The following NRG1 variants were observed in gnomAD, a reference collection of about 807,000 sequenced individuals.
The protein encoded by NRG1 is pro-neuregulin-1, membrane-bound isoform.
Under a neutral mutation model 63.8 loss-of-function variants are expected in NRG1, and 18 were observed. The observed-to-expected ratio is 0.28, with a 90% CI of 0.19 to 0.42. NRG1 has a LOEUF of 0.42. Among genes scored for constraint, NRG1 ranks in the 10% least tolerant of loss-of-function variants. The pLI is 1.00. For missense variants in NRG1, 762 were observed against 814.7 expected, an observed-to-expected ratio of 0.94 and a Z score of 0.79; for synonymous variants, 302 against 301.3, an observed-to-expected ratio of 1.00 and a Z score of -0.02.
intron 1 of NRG1, among the ~76,000 whole-genome samples, chr8:32,580,325 T>A (rs577442723): frequency 6.6e-6 from 1 of 152,326 alleles, no homozygotes; most frequent in East Asian, 1.9e-4. Context: ...TTCTGCCTGC[T>A]ACAGGAATGA....
intron 1 of NRG1, among the ~76,000 whole-genome samples, chr8:32,281,546 T>G (rs1284757836): frequency 6.6e-6 from 1 of 152,124 alleles, no homozygotes; most frequent in Non-Finnish European, 1.5e-5. Flanking sequence ...CAGTGTCTAT[T>G]GTTCCCTTCT....
chr8:32,157,232 G>T (rs1313835858), intron 1 of NRG1, among the ~76,000 whole-genome samples: 1 of 151,486 alleles, frequency 6.6e-6, no homozygotes, highest in Non-Finnish European at 1.5e-5. Flanking sequence ...TAGCGTGCTG[G>T]CATGCACCTG....
At chr8:31,811,698 A>G (rs958388997) in intron 1 of NRG1, among the ~76,000 whole-genome samples, 1 of 152,164 alleles carries the variant, frequency 6.6e-6, no homozygotes, top group Admixed American at 6.5e-5. Flanking sequence ...AAAAATGTGG[A>G]CCATGCCTTT....
chr8:32,187,378 T>A (rs896070562), intron 1 of NRG1, among the ~76,000 whole-genome samples: 2 of 152,110 alleles, frequency 1.3e-5, no homozygotes, highest in African/African-American at 4.8e-5. Context: ...GAGAGCCCTT[T>A]CCTTATGACA....
rs189119255 is a variant in NRG1, at chr8:31,692,684, G to T, written c.37+53253G>T. On this transcript the variant is annotated intron_variant, in intron 1 of 10. Coordinates refer to the NRG1 transcript ENST00000519301. ...GGATACAAGTTCTACAAATAGGACA[G>T]CCACTATGCTTGAATAGTAGTAGTT... Among the ~76,000 whole-genome samples the T allele has an allele frequency of 1.0e-3, 155 of 152,294 alleles. 1 individual carries two copies. Among genetic ancestry groups the T allele is most frequent in the South Asian group, 4.6e-3 (22 of 4,830 alleles).
At chr8:31,753,769 T>C (rs1215234415) in intron 1 of NRG1, among the ~76,000 whole-genome samples, 2 of 152,100 alleles carry the variant, frequency 1.3e-5, no homozygotes, top group Non-Finnish European at 2.9e-5. Flanking sequence ...TCTTCTTGCC[T>C]CCCTGACTCA....
chr8:32,211,488 C>T (rs1156248530), intron 1 of NRG1, among the ~76,000 whole-genome samples: 3 of 152,182 alleles, frequency 2.0e-5, no homozygotes, highest in Non-Finnish European at 1.5e-5. Context: ...TCATCATTAT[C>T]CTCTAGCATG....
At chr8:31,853,264 G>T (rs929127997) in intron 1 of NRG1, among the ~76,000 whole-genome samples, 1 of 151,880 alleles carries the variant, frequency 6.6e-6, no homozygotes, top group Non-Finnish European at 1.5e-5. Flanking sequence ...TCTTCCATTT[G>T]TTTGTATCCT....
intron 1 of NRG1, among the ~76,000 whole-genome samples, chr8:32,093,474 C>A (rs910121683): frequency 2.0e-5 from 3 of 152,210 alleles, no homozygotes; most frequent in African/African-American, 7.2e-5. Context: ...GTCAAAATTT[C>A]ATGTGGCAAG....
chr8:32,121,804 A>T (rs1833492448), intron 1 of NRG1, among the ~76,000 whole-genome samples: 1 of 151,990 alleles, frequency 6.6e-6, no homozygotes, highest in Non-Finnish European at 1.5e-5. Context: ...CCAGGTTAAG[A>T]ATTCCTGCCA....
intron 1 of NRG1, among the ~76,000 whole-genome samples, chr8:32,551,989 C>A (rs2129524519): frequency 6.8e-6 from 1 of 147,456 alleles, no homozygotes; most frequent in Non-Finnish European, 1.5e-5. Context: ...CGGCTCACTG[C>A]AACCTCTGCC....
intron 1 of NRG1, among the ~76,000 whole-genome samples, chr8:31,981,586 G>A (rs1001104953): frequency 1.7e-4 from 26 of 152,098 alleles, no homozygotes; most frequent in South Asian, 1.7e-3. Context: ...TATTTGTAAC[G>A]TGTACCTTGA....
At chr8:31,929,669 A>C (rs1003498948) in intron 1 of NRG1, among the ~76,000 whole-genome samples, 4 of 152,196 alleles carry the variant, frequency 2.6e-5, no homozygotes, top group African/African-American at 9.7e-5. Flanking sequence ...TTTAATTGCT[A>C]TAAATTGCCC....
At chr8:32,241,119 A>G (rs976163776) in intron 1 of NRG1, among the ~76,000 whole-genome samples, 31 of 152,228 alleles carry the variant, frequency 2.0e-4, no homozygotes, top group African/African-American at 7.0e-4. Context: ...CTGCAACCAC[A>G]GAGTTTCTGA....
chr8:32,294,624 G>A (rs184363094), intron 1 of NRG1, among the ~76,000 whole-genome samples: 10 of 152,150 alleles, frequency 6.6e-5, no homozygotes, highest in Non-Finnish European at 2.9e-5. Flanking sequence ...ATAATTAGTT[G>A]TTTAATCTGA....
At chr8:32,700,563 C>T (rs900870494) in intron 5 of NRG1, among the ~76,000 whole-genome samples, 5 of 152,122 alleles carry the variant, frequency 3.3e-5, no homozygotes, top group African/African-American at 1.2e-4. Context: ...ATTATCTTTT[C>T]ACTACAAACA....
intron 1 of NRG1, among the ~76,000 whole-genome samples, chr8:31,737,946 ATTTCTT>A (rs1814857326): frequency 6.6e-6 from 1 of 152,038 alleles, no homozygotes; most frequent in South Asian, 2.1e-4. Flanking sequence ...AGAATTTTTC[ATTTCTT>A]TTGAACTTAA....
intron 1 of NRG1, chr8:32,442,496 G>A (rs564676400): frequency 1.2e-4 from 18 of 152,318 alleles, no homozygotes; most frequent in African/African-American, 9.6e-5. Context: ...CACTCAGGGC[G>A]CAGAACAATG....
At chr8:31,976,386 CTAATCTG>C (rs1247765628) in intron 1 of NRG1, among the ~76,000 whole-genome samples, 1 of 152,090 alleles carries the variant, frequency 6.6e-6, no homozygotes, top group Non-Finnish European at 1.5e-5. Context: ...TCTTGATTAG[CTAATCTG>C]TATATTAACC....
Sources: allele counts gnomAD v4.1 joint callset (sites outside exome capture counted in the v4.1 genomes callset), GRCh38; gene constraint gnomAD v4.1.1; transcripts MANE v1.5; gene names NCBI Gene and HGNC (gene_info 2026-07-23, HGNC 2026-07-21).